PHACTR1: variants seen among roughly 807,000 people sequenced by gnomAD.
PHACTR1 encodes phosphatase and actin regulator 1.
A neutral mutation model predicts 69.2 loss-of-function variants in PHACTR1; 16 were observed. That is an observed-to-expected ratio of 0.23 (90% confidence interval 0.16 to 0.35). The LOEUF (loss-of-function observed/expected upper bound fraction) is 0.35. Among genes scored for constraint, PHACTR1 ranks in the 10% least tolerant of loss-of-function variants. The probability of loss-of-function intolerance (pLI) is 1.00; values close to 1 mark genes in which losing one functional copy is unlikely to be tolerated. For missense variants in PHACTR1, 510 were observed against 734.7 expected, an observed-to-expected ratio of 0.69 and a Z score of 3.54; for synonymous variants, 312 against 284.5, an observed-to-expected ratio of 1.10 and a Z score of -0.97.
intron 10 of PHACTR1, among the ~76,000 whole-genome samples, chr6:13,235,424 T>G (rs974569601): frequency 2.5e-4 from 38 of 152,302 alleles, no homozygotes; most frequent in African/African-American, 8.7e-4. Flanking sequence ...CTCCAAAAAA[T>G]CAGTATTAAA....
chr6:12,745,754 CT>C (rs1480770968), intron 3 of PHACTR1, among the ~76,000 whole-genome samples: 2 of 152,260 alleles, frequency 1.3e-5, no homozygotes, highest in East Asian at 3.9e-4. Flanking sequence ...ACAAGAATAG[CT>C]ACAAATAACA....
At chr6:12,985,629 T>C (rs1796090998) in intron 4 of PHACTR1, among the ~76,000 whole-genome samples, 1 of 150,740 alleles carries the variant, frequency 6.6e-6, no homozygotes, top group Non-Finnish European at 1.5e-5. Flanking sequence ...GTATTTTTTA[T>C]AAAGGCCAAA....
rs535617592 is a variant in PHACTR1, at chr6:13,272,931, C to T, written c.1447+16C>T. 2 of 1,613,562 alleles carry T rather than the reference C, an allele frequency of 1.2e-6. No individual in the cohort carries two copies. Among genetic ancestry groups the T allele is most frequent in the African/African-American group, 1.3e-5 (1 of 74,992 alleles). On this transcript the variant is annotated intron_variant, in intron 11 of 14. Coordinates refer to ENST00000332995, the MANE Select transcript of PHACTR1 (RefSeq NM_030948.6). The stretch of plus-strand genomic sequence containing the variant: ...ATTTTGAAACGTAAGTGACTAAGCC[C>T]ATGGCAATCCCTGATGTTTTGTGGC...
chr6:13,218,327 T>C (rs1767989052), intron 8 of PHACTR1, among the ~76,000 whole-genome samples: 1 of 152,156 alleles, frequency 6.6e-6, no homozygotes, highest in Non-Finnish European at 1.5e-5. Flanking sequence ...CATCAGCCTG[T>C]ACCGTGGAAT....
At chr6:12,902,102 C>G (rs1376146735) in intron 4 of PHACTR1, among the ~76,000 whole-genome samples, 1 of 152,072 alleles carries the variant, frequency 6.6e-6, no homozygotes, top group African/African-American at 2.4e-5. Context: ...ATGATCCAGC[C>G]CTCAAGGTCA....
At position 12,979,829 on chromosome 6, in the gene PHACTR1, T is replaced by A. The variant is rs886953390; in HGVS notation, c.251-73536T>A. On this transcript the variant is annotated intron_variant, in intron 4 of 14. Transcript: ENST00000332995. ...CACTGTGATTCTTTCTGGAACAAAA[T>A]CAAACGCTAAAAGGTTGTTTCATCC... Among the ~76,000 whole-genome samples, 6 of 151,978 alleles carry A rather than the reference T, an allele frequency of 3.9e-5. No individual in the cohort carries two copies. The South Asian group carries it at 1.2e-3, about 32-fold the overall frequency.
At chr6:13,094,918 G>A (rs1813919801) in intron 5 of PHACTR1, among the ~76,000 whole-genome samples, 1 of 152,134 alleles carries the variant, frequency 6.6e-6, no homozygotes, top group African/African-American at 2.4e-5. Context: ...TACCAGTGTG[G>A]CTGTATTTGG....
At chr6:12,817,789 CACT>C (rs1347560537) in intron 4 of PHACTR1, among the ~76,000 whole-genome samples, 1 of 151,658 alleles carries the variant, frequency 6.6e-6, no homozygotes, top group African/African-American at 2.4e-5. Flanking sequence ...TGTGGAAGAT[CACT>C]ACCAATTAAA....
intron 5 of PHACTR1, among the ~76,000 whole-genome samples, chr6:13,084,945 C>T (rs1001664689): frequency 7.9e-5 from 12 of 151,944 alleles, no homozygotes; most frequent in East Asian, 3.9e-4. Flanking sequence ...GTAATGAAAA[C>T]GCTAAGAAAA....
Position 13,001,630 on chromosome 6 carries a change from CTTGA to C in PHACTR1, c.251-51732_251-51729del, listed in dbSNP as rs766454209. Among the ~76,000 whole-genome samples, 146 of 152,188 alleles carry C rather than the reference CTTGA, an allele frequency of 9.6e-4. 1 individual carries two copies. Among genetic ancestry groups the C allele is most frequent in the African/African-American group, 3.5e-3 (143 of 41,448 alleles). ...CAGAAAAGGTCAATCTCTCCCTTTT[CTTGA>C]TTCAGTGCCACCTCTCAACAGAAAC... On this transcript the variant is annotated intron_variant, in intron 4 of 14. Coordinates refer to ENST00000332995, the MANE Select transcript of PHACTR1 (RefSeq NM_030948.6).
chr6:12,932,501 A>G (rs922043619), intron 4 of PHACTR1, among the ~76,000 whole-genome samples: 14 of 152,222 alleles, frequency 9.2e-5, no homozygotes, highest in African/African-American at 3.4e-4. Context: ...TCTATTTATA[A>G]TATAAGTCTA....
chr6:12,894,477 C>T (rs967502860), intron 4 of PHACTR1, among the ~76,000 whole-genome samples: 16 of 152,188 alleles, frequency 1.1e-4, no homozygotes, highest in African/African-American at 2.7e-4. Flanking sequence ...TGGTGGCACA[C>T]GCCTATAATC....
At chr6:13,278,003 A>G (rs1173159085) in intron 11 of PHACTR1, 16 of 250,074 alleles carry the variant, frequency 6.4e-5, no homozygotes, top group African/African-American at 1.1e-4. Context: ...TCAACCCAGC[A>G]TCTCTGCCTG....
At chr6:12,859,651 G>A (rs919070330) in intron 4 of PHACTR1, among the ~76,000 whole-genome samples, 2 of 152,130 alleles carry the variant, frequency 1.3e-5, no homozygotes, top group Non-Finnish European at 2.9e-5. Flanking sequence ...TGTGTGCAAG[G>A]TTGAGACTTT....
At chr6:13,160,327 C>G in intron 6 of PHACTR1, 43 bp downstream of exon 6, 1 of 1,528,162 alleles carries the variant, frequency 6.5e-7, no homozygotes, top group Non-Finnish European at 9.1e-7. Context: ...AAGAGTCATG[C>G]GTGGAATCTG....
intron 4 of PHACTR1, among the ~76,000 whole-genome samples, chr6:12,908,341 C>A (rs1367911833): frequency 6.6e-6 from 1 of 152,076 alleles, no homozygotes; most frequent in African/African-American, 2.4e-5. Flanking sequence ...TAGAATTGGA[C>A]AATAATATGG....
chr6:12,963,836 C>T (rs890690190), intron 4 of PHACTR1, among the ~76,000 whole-genome samples: 1 of 152,080 alleles, frequency 6.6e-6, no homozygotes, highest in Non-Finnish European at 1.5e-5. Flanking sequence ...GTTGAAAGAC[C>T]CTGTGATGTA....
intron 9 of PHACTR1, among the ~76,000 whole-genome samples, chr6:13,228,769 G>A (rs1312481529): frequency 1.3e-5 from 2 of 152,332 alleles, no homozygotes; most frequent in East Asian, 3.9e-4. Context: ...TCATTTTACA[G>A]ATAAGGGCAG....
chr6:13,092,629 T>A (rs964666656), intron 5 of PHACTR1, among the ~76,000 whole-genome samples: 3 of 152,192 alleles, frequency 2.0e-5, no homozygotes, highest in Non-Finnish European at 4.4e-5. Flanking sequence ...CACCATAATA[T>A]GGAATCAGTG....
Sources: allele counts gnomAD v4.1 joint callset (sites outside exome capture counted in the v4.1 genomes callset), GRCh38; gene constraint gnomAD v4.1.1; transcripts MANE v1.5; gene names NCBI Gene and HGNC (gene_info 2026-07-23, HGNC 2026-07-21).